ANKRD30B: variants seen among roughly 807,000 people sequenced by gnomAD.
ANKRD30B encodes the protein ankyrin repeat domain 30B.
ANKRD30B carries 144 observed loss-of-function variants against 202.2 expected under a neutral mutation model. The ratio of observed to expected loss-of-function variants is 0.71; its 90% confidence interval spans 0.62 to 0.82. The LOEUF is 0.82. ANKRD30B is among the 40% of genes least tolerant of loss of function. ANKRD30B has a pLI of 0.00. For missense variants in ANKRD30B, 1,487 were observed against 1,669.1 expected (o/e 0.89, Z 1.90); for synonymous variants, 508 against 561.3 (o/e 0.91, Z 1.34).
chr18:14,910,009 A>T, the ANKRD30B span: 1 of 152,208 alleles, frequency 6.6e-6, no homozygotes, highest in Admixed American at 6.5e-5. Context: ...AATAAAAAAA[A>T]ATCAGATGAT....
intron 18 of ANKRD30B, among the ~76,000 whole-genome samples, chr18:14,797,174 C>T (rs938195362): frequency 3.9e-5 from 6 of 152,096 alleles, no homozygotes; most frequent in African/African-American, 1.4e-4. Flanking sequence ...AAGATGAGGG[C>T]ATTCATAGCA....
chr18:14,820,505 T>A (rs1382745078), intron 30 of ANKRD30B, among the ~76,000 whole-genome samples: 1 of 152,192 alleles, frequency 6.6e-6, no homozygotes, highest in Non-Finnish European at 1.5e-5. Flanking sequence ...GGGTTTGTCA[T>A]AGATAGCTCT....
the ANKRD30B span, among the ~76,000 whole-genome samples, chr18:14,862,602 T>G: frequency 3.9e-5 from 6 of 152,104 alleles, no homozygotes; most frequent in African/African-American, 1.4e-4. Flanking sequence ...ACAGGAAATA[T>G]GGGATTGAAG....
At chr18:14,931,981 C>A in the ANKRD30B span, among the ~76,000 whole-genome samples, 11 of 84,810 alleles carry the variant, frequency 1.3e-4, no homozygotes, top group East Asian at 3.9e-4. Flanking sequence ...CTGTACTGTC[C>A]CAGGCCCCCC....
intron 37 of ANKRD30B, among the ~76,000 whole-genome samples, chr18:14,842,063 A>G (rs1233894574): frequency 4.6e-5 from 7 of 152,270 alleles, no homozygotes; most frequent in Middle Eastern, 3.4e-3. Context: ...TTAGAAACAA[A>G]AAATTACAGA....
At chr18:14,777,486 C>G (rs538308681) in intron 9 of ANKRD30B, among the ~76,000 whole-genome samples, 1 of 151,380 alleles carries the variant, frequency 6.6e-6, no homozygotes, top group Non-Finnish European at 1.5e-5. Flanking sequence ...TTAGTAGAGA[C>G]GGGGTTTCAC....
At chr18:14,868,602 A>AG in the ANKRD30B span, among the ~76,000 whole-genome samples, 1 of 152,244 alleles carries the variant, frequency 6.6e-6, no homozygotes, top group Non-Finnish European at 1.5e-5. Flanking sequence ...CTGCTGTGGC[A>AG]GGTCCCCTGC....
At chr18:14,933,743 G>A in the ANKRD30B span, among the ~76,000 whole-genome samples, 3 of 97,544 alleles carry the variant, frequency 3.1e-5, no homozygotes, top group East Asian at 7.1e-4. Context: ...GGGGAGAGGT[G>A]TTTGACTCAG....
chr18:14,796,976 C>T (rs1256819207), intron 18 of ANKRD30B, among the ~76,000 whole-genome samples: 1 of 152,076 alleles, frequency 6.6e-6, no homozygotes, highest in East Asian at 1.9e-4. Context: ...CTAACAAAGC[C>T]TTAAAACAGA....
chr18:14,876,313 A>G, the ANKRD30B span, among the ~76,000 whole-genome samples: 1 of 152,198 alleles, frequency 6.6e-6, no homozygotes, highest in Non-Finnish European at 1.5e-5. Flanking sequence ...GATGGTCTCT[A>G]AGATTCATCC....
intron 32 of ANKRD30B, chr18:14,825,217 T>C (rs1473878419): frequency 1.3e-5 from 2 of 152,176 alleles, no homozygotes; most frequent in African/African-American, 4.8e-5. Flanking sequence ...TTGCATAGTT[T>C]GTCTTGCCAC....
At chr18:14,936,581 C>T in the ANKRD30B span, among the ~76,000 whole-genome samples, 20 of 152,216 alleles carry the variant, frequency 1.3e-4, no homozygotes, top group African/African-American at 4.8e-4. Flanking sequence ...AAATGATAGT[C>T]CTTGCCTTGA....
At chr18:14,856,074 T>C (rs1397303160), downstream of ANKRD30B, among the ~76,000 whole-genome samples, 293 of 49,856 alleles carry the variant, frequency 5.9e-3, no homozygotes, top group Middle Eastern at 0.018. Flanking sequence ...CCTCACCTCC[T>C]AGATGGGGTG....
intron 4 of ANKRD30B, among the ~76,000 whole-genome samples, chr18:14,756,348 GTA>G (rs1160357313): frequency 8.5e-5 from 13 of 152,086 alleles, no homozygotes; most frequent in Non-Finnish European, 1.8e-4. Flanking sequence ...CTCCCATTCT[GTA>G]GGTTGCCTGT....
chr18:14,829,432 T>A (rs1289970530), intron 33 of ANKRD30B, among the ~76,000 whole-genome samples: 6 of 152,114 alleles, frequency 3.9e-5, no homozygotes, highest in Non-Finnish European at 7.3e-5. Context: ...TGGATCTGAT[T>A]AAACAAATGG....
Position 14,837,200 on chromosome 18 carries a change from G to C in ANKRD30B, c.2848-11G>C. The C allele has an allele frequency of 6.6e-7, 1 of 1,509,800 alleles. No homozygotes were observed. Among genetic ancestry groups the C allele is most frequent in the Non-Finnish European group, 8.9e-7 (1 of 1,125,504 alleles). 93.5% of individuals were successfully genotyped at this position (1,509,800 alleles called of 1,614,324 possible). A position where few individuals can be genotyped will look rare whatever the true frequency, so the allele number is the denominator to read the frequency against. On this transcript the variant is annotated splice_polypyrimidine_tract_variant and intron_variant, in intron 34 of 43. Coordinates refer to ENST00000690538, the MANE Select transcript of ANKRD30B (RefSeq NM_001367607.2). Reference sequence around the variant, plus strand: ...TTTTTGTGTTTGCTTTCTGTGTTTTGTTTGTAATAGGAGGGAGCAACAAAG... The same window carrying C: ...TTTTTGTGTTTGCTTTCTGTGTTTTCTTTGTAATAGGAGGGAGCAACAAAG...
In ANKRD30B at chr18:14,804,951, A is replaced by G. The variant is rs1225286158; in HGVS notation, c.2284+1127A>G. On this transcript the variant is annotated intron_variant, in intron 24 of 43. Transcript: ENST00000690538. ...CTTCGGAAGCATTTAGAATATTTTT[A>G]CTGCAGAATGTTAGAGTGTGGGTGC... Among the ~76,000 whole-genome samples the G allele has an allele frequency of 2.0e-5, 3 of 150,752 alleles. No individual in the cohort carries two copies. The East Asian group carries it at 5.8e-4, about 29-fold the overall frequency.
At chr18:14,907,987 A>G in the ANKRD30B span, among the ~76,000 whole-genome samples, 1 of 152,208 alleles carries the variant, frequency 6.6e-6, no homozygotes, top group African/African-American at 2.4e-5. Context: ...GACAAATTTT[A>G]TCATATGCAT....
At position 14,798,069 on chromosome 18, in the gene ANKRD30B, T is replaced by A. The variant is rs1055007586; in HGVS notation, c.2029+215T>A. ...AATTCAGCTTTGCCTCATGTGGATA[T>A]CTGTCCAGCAGCCTGCAATGCAACG... On this transcript the variant is annotated intron_variant, in intron 20 of 43. Transcript: ENST00000690538. Among the ~76,000 whole-genome samples the A allele has an allele frequency of 4.6e-5, 7 of 152,168 alleles. No homozygotes were observed. The East Asian group carries it at 1.4e-3, about 29-fold the overall frequency.
Sources: allele counts gnomAD v4.1 joint callset (sites outside exome capture counted in the v4.1 genomes callset), GRCh38; gene constraint gnomAD v4.1.1; transcripts MANE v1.5; gene names NCBI Gene and HGNC (gene_info 2026-07-23, HGNC 2026-07-21).